The following SHISA9 variants were observed in gnomAD, a reference collection of about 807,000 sequenced individuals.
The protein encoded by SHISA9 is protein shisa-9.
SHISA9 carries 13 observed loss-of-function variants against 38.0 expected under a neutral mutation model. The ratio of observed to expected loss-of-function variants is 0.34; its 90% confidence interval spans 0.22 to 0.54. The LOEUF (loss-of-function observed/expected upper bound fraction) is 0.54. Ranked by LOEUF, SHISA9 falls within the 20% of genes least tolerant of loss-of-function variation. The probability of loss-of-function intolerance (pLI) is 0.91; values close to 1 mark genes in which losing one functional copy is unlikely to be tolerated. For synonymous variants in SHISA9, 275 were observed against 242.0 expected (o/e 1.14, Z -1.27); for missense variants, 538 against 575.8 (o/e 0.93, Z 0.67).
intron 2 of SHISA9, among the ~76,000 whole-genome samples, chr16:13,027,927 C>CAAAAAAAA (rs201210384): frequency 3.4e-5 from 1 of 29,398 alleles, no homozygotes. Context: ...AGCTCTGTCT[C>CAAAAAAAA]AAAAACAAAA....
At chr16:13,333,296 T>G in the SHISA9 span, among the ~76,000 whole-genome samples, 1 of 152,190 alleles carries the variant, frequency 6.6e-6, no homozygotes, top group Admixed American at 6.5e-5. Context: ...CAAATCCTCT[T>G]CTGATTCTTC....
At chr16:12,950,424 G>A (rs2071739509) in intron 2 of SHISA9, among the ~76,000 whole-genome samples, 1 of 152,218 alleles carries the variant, frequency 6.6e-6, no homozygotes, top group South Asian at 2.1e-4. Context: ...AAATCACAAT[G>A]AGAAATCATT....
chr16:13,305,150 C>T, the SHISA9 span, among the ~76,000 whole-genome samples: 1 of 152,266 alleles, frequency 6.6e-6, no homozygotes, highest in African/African-American at 2.4e-5. Flanking sequence ...GTTTCACATA[C>T]ACCTAATACA....
chr16:13,516,504 A>G, the SHISA9 span, among the ~76,000 whole-genome samples: 3 of 152,174 alleles, frequency 2.0e-5, no homozygotes, highest in Non-Finnish European at 4.4e-5. Flanking sequence ...GAGTAGAAGA[A>G]TTATAGGGCC....
At chr16:12,972,205 A>G (rs1415809386) in intron 2 of SHISA9, among the ~76,000 whole-genome samples, 3 of 152,198 alleles carry the variant, frequency 2.0e-5, no homozygotes, top group East Asian at 1.9e-4. Flanking sequence ...GTAGTGTCAT[A>G]TATTAGCAAG....
At chr16:13,042,784 A>T (rs927461049) in intron 2 of SHISA9, among the ~76,000 whole-genome samples, 1 of 152,102 alleles carries the variant, frequency 6.6e-6, no homozygotes, top group African/African-American at 2.4e-5. Flanking sequence ...AAACTATCTT[A>T]TTTGTTTACT....
intron 2 of SHISA9, among the ~76,000 whole-genome samples, chr16:13,071,575 T>TCCTC (rs1009700750): frequency 3.7e-5 from 5 of 135,994 alleles, no homozygotes; most frequent in African/African-American, 1.7e-4. Flanking sequence ...CTTCCTCCCT[T>TCCTC]CCTCCCTTCC....
chr16:12,907,254 C>T (rs577506238), intron 1 of SHISA9, among the ~76,000 whole-genome samples: 23 of 137,556 alleles, frequency 1.7e-4, no homozygotes, highest in African/African-American at 6.1e-4. Flanking sequence ...TCCCTTCCTA[C>T]CCTTCTTCCT....
chr16:13,467,779 A>G, the SHISA9 span, among the ~76,000 whole-genome samples: 1 of 152,082 alleles, frequency 6.6e-6, no homozygotes, highest in Non-Finnish European at 1.5e-5. Context: ...CCCATGTAGG[A>G]TCTTGGGCCA....
the SHISA9 span, among the ~76,000 whole-genome samples, chr16:13,315,844 C>G: frequency 1.3e-4 from 20 of 152,068 alleles, no homozygotes; most frequent in African/African-American, 4.6e-4. Context: ...TGAACCCAGG[C>G]GGGTAGAAGC....
chr16:13,146,718 A>G (rs1045172795), intron 2 of SHISA9, among the ~76,000 whole-genome samples: 1 of 152,236 alleles, frequency 6.6e-6, no homozygotes, highest in African/African-American at 2.4e-5. Context: ...AAGACCGCAC[A>G]TCTTAACGTT....
intron 2 of SHISA9, among the ~76,000 whole-genome samples, chr16:13,201,315 A>G (rs1425255420): frequency 7.4e-6 from 1 of 135,562 alleles, no homozygotes; most frequent in Non-Finnish European, 1.6e-5. Flanking sequence ...CATATAACCT[A>G]CTCACATCCT....
At chr16:13,118,583 G>A (rs2074053723) in intron 2 of SHISA9, among the ~76,000 whole-genome samples, 1 of 152,142 alleles carries the variant, frequency 6.6e-6, no homozygotes, top group African/African-American at 2.4e-5. Flanking sequence ...CAGATTTTGA[G>A]TAAGTGAGTC....
chr16:13,412,185 C>A, the SHISA9 span, among the ~76,000 whole-genome samples: 1 of 152,166 alleles, frequency 6.6e-6, no homozygotes, highest in Non-Finnish European at 1.5e-5. Flanking sequence ...TGCAAAGTGT[C>A]TCATTCTCTG....
intron 2 of SHISA9, among the ~76,000 whole-genome samples, chr16:13,059,115 CTCTA>C (rs2073343845): frequency 2.1e-5 from 3 of 140,010 alleles, no homozygotes; most frequent in African/African-American, 5.3e-5. Flanking sequence ...TCTGTAAAAA[CTCTA>C]TCTTTTTTTT....
the SHISA9 span, among the ~76,000 whole-genome samples, chr16:13,309,651 A>G: frequency 2.0e-4 from 31 of 151,474 alleles, 1 homozygote; most frequent in Non-Finnish European, 4.3e-4. Flanking sequence ...TCAAAAAAAA[A>G]AAAAAAAAAA....
At chr16:13,135,209 T>C (rs1161575608) in intron 2 of SHISA9, among the ~76,000 whole-genome samples, 1 of 152,196 alleles carries the variant, frequency 6.6e-6, no homozygotes, top group Non-Finnish European at 1.5e-5. Context: ...CAGATCTGGA[T>C]TGTGAGGAGC....
intron 2 of SHISA9, among the ~76,000 whole-genome samples, chr16:13,171,044 G>A (rs2050681373): frequency 6.6e-6 from 1 of 152,218 alleles, no homozygotes; most frequent in African/African-American, 2.4e-5. Flanking sequence ...CAAGAAGCAT[G>A]GTGCTGGCAT....
the SHISA9 span, among the ~76,000 whole-genome samples, chr16:13,397,896 A>G: frequency 6.6e-6 from 1 of 152,282 alleles, no homozygotes; most frequent in Non-Finnish European, 1.5e-5. Flanking sequence ...GAATGAGTGC[A>G]AGGTTTAATT....
Sources: allele counts gnomAD v4.1 joint callset (sites outside exome capture counted in the v4.1 genomes callset), GRCh38; gene constraint gnomAD v4.1.1; transcripts MANE v1.5; gene names NCBI Gene and HGNC (gene_info 2026-07-23, HGNC 2026-07-21).